The following ROCK1 variants were observed in gnomAD, a reference collection of about 807,000 sequenced individuals.
ROCK1 encodes Rho associated coiled-coil containing protein kinase 1.
Under a neutral mutation model 196.8 loss-of-function variants are expected in ROCK1, and 36 were observed. The ratio of observed to expected loss-of-function variants is 0.18; its 90% CI spans 0.14 to 0.24. ROCK1 has a LOEUF of 0.24. Among genes scored for constraint, ROCK1 ranks in the 10% least tolerant of loss-of-function variants. The pLI, the probability that ROCK1 is intolerant of heterozygous loss-of-function variation, is 1.00. For missense variants in ROCK1, 920 were observed against 1,562.0 expected, an observed-to-expected ratio of 0.59 and a Z score of 6.93; for synonymous variants, 443 against 515.9, an observed-to-expected ratio of 0.86 and a Z score of 1.91.
intron 1 of ROCK1, among the ~76,000 whole-genome samples, chr18:21,076,007 G>A (rs1283160463): frequency 6.6e-6 from 1 of 150,754 alleles, no homozygotes; most frequent in Non-Finnish European, 1.5e-5. Flanking sequence ...AAATGGTGGA[G>A]GAGGACACAG....
In ROCK1 at chr18:20,981,074, T is replaced by A. The variant is rs559184343; in HGVS notation, c.2560-1070A>T. On this transcript the variant is annotated intron_variant, in intron 21 of 32. Coordinates refer to ENST00000399799, the MANE Select transcript of ROCK1 (RefSeq NM_005406.3). ...TTCTGTTTTGAGGGGTGGGATGTAC[T>A]GGGTAGTTGAGAGACAGGTAAAGAA... is the stretch of plus-strand genomic sequence containing the variant. 1.0e-3 allele frequency among the ~76,000 whole-genome samples: 153 copies of A among 151,908 alleles called. 1 individual carries two copies. In the South Asian group the frequency reaches 0.011, roughly 11 times the overall value.
chr18:21,030,606 C>A (rs1198494596), intron 9 of ROCK1, among the ~76,000 whole-genome samples: 1 of 152,048 alleles, frequency 6.6e-6, no homozygotes, highest in Non-Finnish European at 1.5e-5. Context: ...TTCTGAGATA[C>A]AAGTGGGGAA....
intron 2 of ROCK1, among the ~76,000 whole-genome samples, chr18:21,063,307 T>C (rs2036307496): frequency 6.6e-6 from 1 of 152,048 alleles, no homozygotes. Flanking sequence ...AAATATAACC[T>C]GTGATAAGTA....
chr18:20,953,417 C>T, intron 32 of ROCK1, 161 bp downstream of exon 32: 1 of 498,830 alleles, frequency 2.0e-6, no homozygotes, highest in Non-Finnish European at 3.6e-6. Context: ...TAAACTCTAA[C>T]AAGAATAAGT....
At chr18:20,975,172 A>G (rs1329444303) in intron 22 of ROCK1, among the ~76,000 whole-genome samples, 2 of 152,246 alleles carry the variant, frequency 1.3e-5, no homozygotes, top group Non-Finnish European at 2.9e-5. Context: ...TAAGTGCTGC[A>G]GAGAAAAATA....
chr18:21,044,011 T>C, intron 6 of ROCK1, 91 bp downstream of exon 6: 1 of 763,498 alleles, frequency 1.3e-6, no homozygotes, highest in Non-Finnish European at 2.2e-6. Flanking sequence ...AGTAAATTCT[T>C]ACACCATTTT....
At chr18:21,055,511 A>G (rs1243627533) in intron 2 of ROCK1, among the ~76,000 whole-genome samples, 3 of 152,136 alleles carry the variant, frequency 2.0e-5, no homozygotes, top group South Asian at 4.1e-4. Context: ...GTACAAGCAT[A>G]TATTTTGTCT....
chr18:21,070,633 A>G lies in ROCK1; in HGVS notation c.94-20T>C. ...TCCATCCTAAAGAAACAAACAAACA[A>G]TGGTTAGTTTTTTGGATCACATTAT... On this transcript the variant is annotated intron_variant, in intron 1 of 32. Transcript: ENST00000399799. The G allele has an allele frequency of 6.4e-7, 1 of 1,554,852 alleles. No individual in the cohort carries two copies. The highest frequency in any genetic ancestry group is 8.8e-7 in the Non-Finnish European group (1 of 1,136,686).
intron 8 of ROCK1, among the ~76,000 whole-genome samples, chr18:21,041,731 C>T (rs918560634): frequency 6.6e-6 from 1 of 151,932 alleles, no homozygotes; most frequent in African/African-American, 2.4e-5. Flanking sequence ...AAGGATGCTC[C>T]CAACTCATAC....
chr18:20,990,263 C>T (rs1456165364), intron 18 of ROCK1, among the ~76,000 whole-genome samples: 2 of 151,814 alleles, frequency 1.3e-5, no homozygotes, highest in African/African-American at 4.8e-5. Flanking sequence ...AGCAAGATAG[C>T]AGATGAATTA....
intron 22 of ROCK1, among the ~76,000 whole-genome samples, chr18:20,977,861 C>T (rs1321762042): frequency 6.6e-6 from 1 of 152,188 alleles, no homozygotes; most frequent in African/African-American, 2.4e-5. Context: ...AGGTAACAGA[C>T]TAGATTCTAC....
intron 17 of ROCK1, 58 bp downstream of exon 17, chr18:20,992,773 G>C: frequency 1.0e-6 from 1 of 993,752 alleles, no homozygotes; most frequent in Non-Finnish European, 1.5e-6. Context: ...CCACCTAGTA[G>C]TCTATGATAA....
At chr18:21,100,590 A>G (rs1019562566) in intron 1 of ROCK1, among the ~76,000 whole-genome samples, 10 of 152,124 alleles carry the variant, frequency 6.6e-5, no homozygotes, top group South Asian at 4.1e-4. Flanking sequence ...AAAATTTAAA[A>G]AAAAAAAAAA....
intron 16 of ROCK1, among the ~76,000 whole-genome samples, chr18:20,997,323 C>CA (rs1161306781): frequency 2.0e-5 from 3 of 151,460 alleles, no homozygotes; most frequent in Non-Finnish European, 4.4e-5. Context: ...AAAACAAAAA[C>CA]AAAAAAAGAG....
At chr18:21,028,453 C>A (rs1489809743) in intron 10 of ROCK1, among the ~76,000 whole-genome samples, 2 of 152,006 alleles carry the variant, frequency 1.3e-5, no homozygotes, top group East Asian at 3.9e-4. Context: ...AAAAAGTCTA[C>A]ATGTTGTTTC....
intron 2 of ROCK1, among the ~76,000 whole-genome samples, chr18:21,053,744 G>A (rs180907292): frequency 3.9e-5 from 6 of 152,258 alleles, no homozygotes; most frequent in Admixed American, 2.0e-4. Context: ...GGCTGAGGCA[G>A]AAGGACTGCT....
chr18:20,954,247 G>T (rs2143318951), intron 31 of ROCK1, among the ~76,000 whole-genome samples: 2 of 141,174 alleles, frequency 1.4e-5, no homozygotes, highest in South Asian at 4.8e-4. Flanking sequence ...ATGTTTGTTT[G>T]TTTTTGTTTG....
chr18:21,049,742 T>A, intron 3 of ROCK1, 38 bp downstream of exon 3: 1 of 1,177,722 alleles, frequency 8.5e-7, no homozygotes, highest in Non-Finnish European at 1.2e-6. Context: ...TATTTTAATT[T>A]AATAAAGTCC....
chr18:20,981,485 C>T (rs920210440), intron 21 of ROCK1, among the ~76,000 whole-genome samples: 4 of 152,286 alleles, frequency 2.6e-5, no homozygotes, highest in African/African-American at 9.6e-5. Flanking sequence ...ATGGCTCTTA[C>T]AAAATTCACT....
Sources: gnomAD v4.1 joint callset for allele counts (sites outside exome capture counted in the v4.1 genomes callset) on GRCh38, gnomAD v4.1.1 for gene constraint, MANE v1.5 for transcripts, NCBI Gene and HGNC (gene_info 2026-07-23, HGNC 2026-07-21) for gene names.